SGCZ: variants seen among roughly 807,000 people sequenced by gnomAD.
SGCZ encodes zeta-sarcoglycan.
SGCZ carries 40 observed loss-of-function variants against 41.3 expected under a neutral mutation model. The ratio of observed to expected loss-of-function variants is 0.97; its 90% CI spans 0.75 to 1.26. The LOEUF (loss-of-function observed/expected upper bound fraction) is 1.26, where lower values mean the gene tolerates loss of function less well. SGCZ is among the 50% of genes most tolerant of loss of function. The pLI, the probability that SGCZ is intolerant of heterozygous loss-of-function variation, is 0.00. For synonymous variants in SGCZ, 206 were observed against 137.5 expected (o/e 1.50, Z -3.49); for missense variants, 552 against 369.8 (o/e 1.49, Z -4.04).
intron 1 of SGCZ, among the ~76,000 whole-genome samples, chr8:14,592,986 G>A (rs1805287757): frequency 6.6e-6 from 1 of 152,166 alleles, no homozygotes; most frequent in South Asian, 2.1e-4. Context: ...GTTGGTTTCT[G>A]TTGTCTCTGA....
At chr8:14,382,092 C>G (rs73219725) in intron 2 of SGCZ, among the ~76,000 whole-genome samples, 6 of 152,250 alleles carry the variant, frequency 3.9e-5, no homozygotes, top group Admixed American at 1.3e-4. Context: ...AATACTTCCT[C>G]TAACATTTTT....
rs538803920 is a variant in SGCZ, at chr8:14,205,897, T to G, written c.424+31695A>C. Among the ~76,000 whole-genome samples, 6 of 152,290 alleles carry G rather than the reference T, an allele frequency of 3.9e-5. No individual in the cohort carries two copies. The South Asian group carries it at 1.2e-3, about 32-fold the overall frequency. On this transcript the variant is annotated intron_variant, in intron 4 of 7. Coordinates refer to ENST00000382080, the MANE Select transcript of SGCZ (RefSeq NM_139167.4). ...TAAAAAACAAATTACCCAAGTTTTC[T>G]CATAAGAATCATAGGGCATTTTTCT...
At chr8:14,940,446 C>T (rs770722055) in intron 1 of SGCZ, among the ~76,000 whole-genome samples, 4 of 152,002 alleles carry the variant, frequency 2.6e-5, no homozygotes, top group Non-Finnish European at 4.4e-5. Flanking sequence ...TATCAACATG[C>T]AGCAAAAAAT....
chr8:14,316,653 G>C (rs1229466905), intron 3 of SGCZ, among the ~76,000 whole-genome samples: 2 of 151,648 alleles, frequency 1.3e-5, no homozygotes, highest in African/African-American at 4.8e-5. Context: ...TTGGTTTTTT[G>C]ACCTCTCACT....
chr8:14,553,602 G>T (rs1358134888), intron 2 of SGCZ, among the ~76,000 whole-genome samples: 2 of 152,018 alleles, frequency 1.3e-5, no homozygotes, highest in African/African-American at 4.8e-5. Context: ...TCTCTGGAAG[G>T]TTAAGCCACC....
intron 3 of SGCZ, among the ~76,000 whole-genome samples, chr8:14,277,379 C>G (rs978308873): frequency 1.3e-5 from 2 of 152,084 alleles, no homozygotes; most frequent in African/African-American, 4.8e-5. Context: ...CTTCAAATGC[C>G]AGTTCAAATT....
At chr8:14,450,332 A>G (rs1190593762) in intron 2 of SGCZ, among the ~76,000 whole-genome samples, 2 of 152,212 alleles carry the variant, frequency 1.3e-5, no homozygotes, top group African/African-American at 2.4e-5. Context: ...CGGTATGCAT[A>G]TACGTGTTTC....
chr8:15,085,959 C>T (rs1179751970), intron 1 of SGCZ, among the ~76,000 whole-genome samples: 3 of 152,036 alleles, frequency 2.0e-5, no homozygotes, highest in African/African-American at 4.8e-5. Flanking sequence ...TCTGCTGTTC[C>T]GGAATGGAAT....
At chr8:14,870,607 G>C (rs1002859672) in intron 1 of SGCZ, among the ~76,000 whole-genome samples, 7 of 152,074 alleles carry the variant, frequency 4.6e-5, no homozygotes, top group Non-Finnish European at 8.8e-5. Flanking sequence ...AAACTAAAGA[G>C]CTTCTGCACA....
At chr8:14,205,871 A>G (rs893368259) in intron 4 of SGCZ, among the ~76,000 whole-genome samples, 1 of 152,098 alleles carries the variant, frequency 6.6e-6, no homozygotes, top group Admixed American at 6.6e-5. Flanking sequence ...AGATATTTTC[A>G]TAAAAAACAA....
At chr8:14,671,528 C>T (rs1200484167) in intron 1 of SGCZ, among the ~76,000 whole-genome samples, 1 of 152,108 alleles carries the variant, frequency 6.6e-6, no homozygotes, top group African/African-American at 2.4e-5. Context: ...AATTAAATTT[C>T]AAGAAGGACT....
At chr8:14,379,436 T>C (rs901027734) in intron 2 of SGCZ, among the ~76,000 whole-genome samples, 10 of 152,164 alleles carry the variant, frequency 6.6e-5, no homozygotes, top group African/African-American at 2.4e-4. Flanking sequence ...AAAACCTATA[T>C]GAGGTAAACT....
At chr8:14,283,242 C>T (rs1362152424) in intron 3 of SGCZ, among the ~76,000 whole-genome samples, 2 of 152,074 alleles carry the variant, frequency 1.3e-5, no homozygotes, top group Non-Finnish European at 2.9e-5. Context: ...TTTCTTTTCG[C>T]CTTTTCCCAC....
Position 14,090,232 on chromosome 8 carries a change from C to G in SGCZ, c.*211G>C, listed in dbSNP as rs1801644453. 1 of 419,626 alleles carries G rather than the reference C, an allele frequency of 2.4e-6. No homozygotes were observed. Among genetic ancestry groups the G allele is most frequent in the South Asian group, 8.9e-5 (1 of 11,214 alleles). The allele number at this position is 419,626 out of a possible 1,614,324, so 26.0% of individuals were successfully genotyped here. On this transcript the variant is annotated 3_prime_UTR_variant, in exon 8 of 8. Transcript: ENST00000382080. ...TGATCCAGTTTTCCTGCTGACGACG[C>G]TTTTTCCACTGCTGTGTCAATCACA...
At chr8:15,157,344 C>T (rs1799362912) in intron 1 of SGCZ, among the ~76,000 whole-genome samples, 1 of 151,764 alleles carries the variant, frequency 6.6e-6, no homozygotes, top group Admixed American at 6.6e-5. Context: ...AGTGAGCTCA[C>T]ACCACTGCAC....
chr8:14,715,249 G>A (rs910044678), intron 1 of SGCZ, among the ~76,000 whole-genome samples: 5 of 151,956 alleles, frequency 3.3e-5, no homozygotes, highest in Admixed American at 3.3e-4. Context: ...TCCATCTCAA[G>A]AGGTTCAGAA....
intron 1 of SGCZ, among the ~76,000 whole-genome samples, chr8:14,865,506 G>A (rs1396077230): frequency 4.6e-5 from 7 of 152,024 alleles, no homozygotes; most frequent in Non-Finnish European, 8.8e-5. Context: ...AGAAAGTTGG[G>A]TGAGGTCACC....
chr8:15,195,316 G>C (rs1800688062), intron 1 of SGCZ, among the ~76,000 whole-genome samples: 1 of 152,060 alleles, frequency 6.6e-6, no homozygotes, highest in Non-Finnish European at 1.5e-5. Flanking sequence ...ACCTGTGTAC[G>C]GGATTACTCA....
intron 1 of SGCZ, among the ~76,000 whole-genome samples, chr8:15,128,118 T>C (rs1807770358): frequency 6.6e-6 from 1 of 152,214 alleles, no homozygotes; most frequent in African/African-American, 2.4e-5. Context: ...GTCCTCTTTT[T>C]TTTCACATCC....
Sources: allele counts gnomAD v4.1 joint callset (sites outside exome capture counted in the v4.1 genomes callset), GRCh38; gene constraint gnomAD v4.1.1; transcripts MANE v1.5; gene names NCBI Gene and HGNC (gene_info 2026-07-23, HGNC 2026-07-21).